Variants in XDH observed in about 807,000 individuals in gnomAD.
XDH encodes xanthine dehydrogenase/oxidase.
A neutral mutation model predicts 156.1 loss-of-function variants in XDH; 138 were observed. That is an observed-to-expected ratio of 0.88 (90% CI 0.77 to 1.02). XDH has a LOEUF of 1.02. Among genes scored for constraint, XDH ranks in the 50% least tolerant of loss-of-function variants. XDH has a pLI of 0.00. For synonymous variants in XDH, 669 were observed against 625.7 expected, an observed-to-expected ratio of 1.07 and a Z score of -1.03; for missense variants, 1,849 against 1,684.9, an observed-to-expected ratio of 1.10 and a Z score of -1.71.
chr2:31,342,102 T>A, intron 32 of XDH, 81 bp downstream of exon 32: 3 of 1,284,972 alleles, frequency 2.3e-6, no homozygotes, highest in Non-Finnish European at 3.4e-6. Context: ...AGAAATCTTG[T>A]CTCTATCAGC....
intron 34 of XDH, 52 bp from the exon 35 acceptor site, chr2:31,337,869 C>T (rs1377469862): frequency 3.1e-6 from 5 of 1,589,236 alleles, no homozygotes; most frequent in South Asian, 1.1e-5. Flanking sequence ...GTCCTGCCTC[C>T]ACATCATCAA....
rs759312883 is a variant in XDH, at chr2:31,365,241, G to A, written c.2544+216C>T. On this transcript the variant is annotated intron_variant, in intron 23 of 35. Coordinates refer to ENST00000379416, the MANE Select transcript of XDH (RefSeq NM_000379.4). Reference sequence around the variant, plus strand: ...AACACAGCAAATCCACAGAAGTCACGAATGCCACCCTTGGGAGATGGGGTG... The same window carrying A: ...AACACAGCAAATCCACAGAAGTCACAAATGCCACCCTTGGGAGATGGGGTG... Among the ~76,000 whole-genome samples the A allele has an allele frequency of 2.6e-5, 4 of 152,322 alleles. No homozygotes were observed. The East Asian group carries it at 7.7e-4, about 29-fold the overall frequency.
intron 2 of XDH, among the ~76,000 whole-genome samples, chr2:31,405,262 T>A (rs572253643): frequency 1.1e-4 from 16 of 152,292 alleles, no homozygotes; most frequent in Non-Finnish European, 1.3e-4. Flanking sequence ...TCATTAAATA[T>A]TAACTCCAAT....
chr2:31,341,328 C>T lies in XDH; in HGVS notation c.3585+1G>A. The T allele has an allele frequency of 6.4e-7, 1 of 1,569,898 alleles. No individual in the cohort carries two copies. The highest frequency in any genetic ancestry group is 8.7e-7 in the Non-Finnish European group (1 of 1,154,918). Reference sequence around the variant, plus strand: ...ACCACCCTGGTCCCACTGAGCCTCACCTGTCCAATATCAATGGCAGGGTTT... The same window carrying T: ...ACCACCCTGGTCCCACTGAGCCTCATCTGTCCAATATCAATGGCAGGGTTT... On this transcript the variant is annotated splice_donor_variant, in intron 33 of 35. Transcript: ENST00000379416. LOFTEE classifies it high-confidence loss of function.
intron 6 of XDH, among the ~76,000 whole-genome samples, chr2:31,389,286 T>C (rs546823168): frequency 6.6e-6 from 1 of 152,238 alleles, no homozygotes; most frequent in South Asian, 2.1e-4. Context: ...GGTGTGACCT[T>C]GGAGAAGTTG....
rs375217901 is a variant in XDH, at chr2:31,376,062, T to A, written c.1428-508A>T. ...TTCCTAGGATAATGTTAGTGAAGTG[T>A]TCGGTACAATTTCTGTTATATAATA... On this transcript the variant is annotated intron_variant, in intron 14 of 35. Coordinates refer to ENST00000379416, the MANE Select transcript of XDH (RefSeq NM_000379.4). 1.8e-4 allele frequency among the ~76,000 whole-genome samples: 28 copies of A among 152,246 alleles called. No individual in the cohort carries two copies. In the South Asian group the frequency reaches 5.8e-3, roughly 32 times the overall value.
At chr2:31,393,161 T>C (rs1227681082) in intron 6 of XDH, among the ~76,000 whole-genome samples, 2 of 152,244 alleles carry the variant, frequency 1.3e-5, no homozygotes, top group Non-Finnish European at 2.9e-5. Context: ...TAATTGATGG[T>C]GCCGTTGAGT....
chr2:31,381,147 C>T (rs1281097376), intron 12 of XDH, among the ~76,000 whole-genome samples: 2 of 152,030 alleles, frequency 1.3e-5, no homozygotes, highest in Non-Finnish European at 2.9e-5. Flanking sequence ...AGGCACACAC[C>T]ACCACACCCA....
intron 35 of XDH, among the ~76,000 whole-genome samples, chr2:31,337,407 C>G (rs1684994578): frequency 6.6e-6 from 1 of 152,184 alleles, no homozygotes; most frequent in South Asian, 2.1e-4. Context: ...ACACATTCCT[C>G]CCATCTCTAA....
At chr2:31,400,499 T>C (rs1301277756) in intron 4 of XDH, among the ~76,000 whole-genome samples, 1 of 152,176 alleles carries the variant, frequency 6.6e-6, no homozygotes, top group Non-Finnish European at 1.5e-5. Context: ...AACAAAATGC[T>C]TTGGGGACAA....
intron 2 of XDH, among the ~76,000 whole-genome samples, chr2:31,403,467 A>G (rs924163822): frequency 5.3e-5 from 8 of 152,128 alleles, no homozygotes; most frequent in Non-Finnish European, 1.2e-4. Context: ...GAGGTCTTCT[A>G]TGTGTGAGCA....
In XDH at chr2:31,372,925, T is replaced by C. The variant is rs555924511; in HGVS notation, c.1687-528A>G. ...AGGTGGAATTTTTGGTGATTTTTAT[T>C]TTCTTCTTTATGCTTTTCTGTATTT... On this transcript the variant is annotated intron_variant, in intron 16 of 35. Coordinates refer to ENST00000379416, the MANE Select transcript of XDH (RefSeq NM_000379.4). Among the ~76,000 whole-genome samples, 324 of 152,338 alleles carry C rather than the reference T, an allele frequency of 2.1e-3. 2 individuals are homozygous for C. Among genetic ancestry groups the C allele is most frequent in the Non-Finnish European group, 3.7e-3 (253 of 68,032 alleles).
intron 14 of XDH, among the ~76,000 whole-genome samples, chr2:31,376,727 T>C (rs544180711): frequency 2.7e-5 from 4 of 149,830 alleles, no homozygotes; most frequent in African/African-American, 9.7e-5. Flanking sequence ...GTAGTAATTT[T>C]AGTAGAAGCA....
At position 31,368,523 on chromosome 2, in the gene XDH, C is replaced by A. The variant is rs1481925516; in HGVS notation, c.2100+18G>T. 1 of 1,607,324 alleles carries A rather than the reference C, an allele frequency of 6.2e-7. No homozygotes were observed. The highest frequency in any genetic ancestry group is 1.1e-5 in the South Asian group (1 of 91,038). On this transcript the variant is annotated intron_variant, in intron 19 of 35. Coordinates refer to ENST00000379416, the MANE Select transcript of XDH (RefSeq NM_000379.4). The stretch of plus-strand genomic sequence containing the variant: ...CGGGGAGCTCACTCCTCTACACAGG[C>A]AGCCCATTCTCAGTTACCTCAATTG...
At chr2:31,382,958 A>G in intron 11 of XDH, 43 bp downstream of exon 11, 2 of 1,613,432 alleles carry the variant, frequency 1.2e-6, no homozygotes, top group Non-Finnish European at 1.7e-6. Flanking sequence ...TTCAGATGAA[A>G]GCTCCATCCT....
At chr2:31,367,839 G>T in intron 20 of XDH, 122 bp downstream of exon 20, 1 of 966,492 alleles carries the variant, frequency 1.0e-6, no homozygotes, top group Non-Finnish European at 1.7e-6. Flanking sequence ...ACGTAAGAGG[G>T]AATCTTCTGT....
intron 30 of XDH, among the ~76,000 whole-genome samples, chr2:31,345,218 T>C (rs1685249471): frequency 6.6e-6 from 1 of 152,196 alleles, no homozygotes; most frequent in Non-Finnish European, 1.5e-5. Context: ...TCTATATATG[T>C]GCAAATCCTT....
At position 31,366,078 on chromosome 2, in the gene XDH, G is replaced by T. The variant is rs1191932245; in HGVS notation, c.2354C>A (p.Ala785Glu). Residue 785 changes from alanine (A) to glutamate (E), a missense_variant, in exon 22 of 36, where the codon GCA (alanine) becomes GAA (glutamate). By Grantham distance (107) the Ala-to-Glu change is moderately radical. Coordinates refer to ENST00000379416, the MANE Select transcript of XDH (RefSeq NM_000379.4). The stretch of plus-strand genomic sequence containing the variant: ...CTTCACTCGAACCACAATCCGGTTT[G>T]CTGGAACCCCCAACATTTTTGCAAC... Reference protein sequence around the residue: ...SFVAKMLGVPANRIVVRVKRM... With the variant: ...SFVAKMLGVPENRIVVRVKRM... 6 of 1,614,148 alleles carry T rather than the reference G, an allele frequency of 3.7e-6. No homozygotes were observed. In the South Asian group the frequency reaches 4.4e-5, roughly 12 times the overall value.
At chr2:31,341,482 A>C (rs1322592393) in intron 32 of XDH, 88 bp from the exon 33 acceptor site, 2 of 1,365,182 alleles carry the variant, frequency 1.5e-6, no homozygotes, top group South Asian at 1.2e-5. Flanking sequence ...CTCAGACTAC[A>C]AGTGCCAACC....
Sources: allele counts gnomAD v4.1 joint callset (sites outside exome capture counted in the v4.1 genomes callset), GRCh38; gene constraint gnomAD v4.1.1; transcripts MANE v1.5; gene names NCBI Gene and HGNC (gene_info 2026-07-23, HGNC 2026-07-21).